Variants in POT1 observed in about 807,000 individuals in gnomAD.
POT1 encodes the protein protection of telomeres protein 1.
In POT1, 47 loss-of-function variants were observed where a neutral mutation model predicts 78.5. The observed-to-expected ratio is 0.60, with a 90% CI of 0.47 to 0.76. The LOEUF (loss-of-function observed/expected upper bound fraction) is 0.76. POT1 is among the 30% of genes least tolerant of loss of function. The pLI, the probability that POT1 is intolerant of heterozygous loss-of-function variation, is 0.00. For missense variants in POT1, 646 were observed against 749.9 expected (o/e 0.86, Z 1.62); for synonymous variants, 259 against 260.7 (o/e 0.99, Z 0.06).
At chr7:124,896,634 G>C (rs1796497993) in intron 5 of POT1, among the ~76,000 whole-genome samples, 1 of 151,626 alleles carries the variant, frequency 6.6e-6, no homozygotes, top group Non-Finnish European at 1.5e-5. Flanking sequence ...GCTACAAGTA[G>C]ACTATCTGTA....
At chr7:124,888,204 C>T (rs995802385) in intron 6 of POT1, among the ~76,000 whole-genome samples, 10 of 152,154 alleles carry the variant, frequency 6.6e-5, no homozygotes, top group African/African-American at 2.4e-4. Context: ...TTCCCAGCCC[C>T]ATTTGGTGAA....
chr7:124,846,162 G>GACACAGACACAC (rs1645237033), intron 12 of POT1, among the ~76,000 whole-genome samples: 1 of 148,718 alleles, frequency 6.7e-6, no homozygotes, highest in South Asian at 2.2e-4. Flanking sequence ...CATTCATACT[G>GACACAGACACAC]ACACACACAC....
intron 14 of POT1, among the ~76,000 whole-genome samples, chr7:124,836,269 A>G (rs1794898378): frequency 6.6e-6 from 1 of 152,144 alleles, no homozygotes; most frequent in Non-Finnish European, 1.5e-5. Context: ...CTCCAGAAAA[A>G]GGGCTGAATT....
rs946500377 is a variant in POT1 at position 124,847,130 on chromosome 7, G to C, written c.950-132C>G. On this transcript the variant is annotated intron_variant, in intron 11 of 18. Transcript: ENST00000357628. ...TGAGATATGCCACATTCATGATTTAGAAGGCTCAATATTGTTAAGATATCA... is the reference window on the plus strand; with the variant it reads ...TGAGATATGCCACATTCATGATTTACAAGGCTCAATATTGTTAAGATATCA... The C allele has an allele frequency of 4.8e-6, 3 of 620,790 alleles. No homozygotes were observed. In the African/African-American group the frequency reaches 5.5e-5, roughly 11 times the overall value. 38.5% of individuals were successfully genotyped at this position (620,790 alleles called of 1,614,324 possible).
chr7:124,823,922 G>T lies in POT1; in HGVS notation c.*40C>A. On this transcript the variant is annotated 3_prime_UTR_variant, in exon 19 of 19. Coordinates refer to ENST00000357628, the MANE Select transcript of POT1 (RefSeq NM_015450.3). ...GAAAAGAAGCTCAAACAGGGAAGGT[G>T]AGTGGCAACATTTTATGTATGCTAA... 1 of 1,296,456 alleles carries T rather than the reference G, an allele frequency of 7.7e-7. No individual in the cohort carries two copies. Among genetic ancestry groups the T allele is most frequent in the Non-Finnish European group, 1.1e-6 (1 of 899,510 alleles). The allele number at this position is 1,296,456 out of a possible 1,614,324, so 80.3% of individuals were successfully genotyped here. A position where few individuals can be genotyped will look rare whatever the true frequency, so the allele number is the denominator to read the frequency against.
intron 2 of POT1, among the ~76,000 whole-genome samples, chr7:124,918,772 T>C (rs1797077740): frequency 6.6e-6 from 1 of 152,114 alleles, no homozygotes; most frequent in Admixed American, 6.6e-5. Context: ...CGTATTTACA[T>C]TAAGGAAATG....
intron 9 of POT1, among the ~76,000 whole-genome samples, chr7:124,855,002 A>G (rs1183324707): frequency 4.0e-5 from 6 of 151,696 alleles, no homozygotes; most frequent in Admixed American, 2.6e-4. Flanking sequence ...ATTTCCTCCA[A>G]ATTAAACTTT....
At chr7:124,843,653 T>C (rs11980925) in intron 12 of POT1, among the ~76,000 whole-genome samples, 1 of 151,942 alleles carries the variant, frequency 6.6e-6, no homozygotes, top group African/African-American at 2.4e-5. Context: ...TGGCCTGGGA[T>C]TGTAGTGATC....
At chr7:124,850,686 G>T in intron 11 of POT1, among the ~76,000 whole-genome samples, 1 of 151,624 alleles carries the variant, frequency 6.6e-6, no homozygotes, top group Non-Finnish European at 1.5e-5. Flanking sequence ...AGCAGAGATC[G>T]CGCTAGCCAC....
chr7:124,907,778 TCTAA>T (rs1393717043), intron 3 of POT1, among the ~76,000 whole-genome samples: 2 of 152,086 alleles, frequency 1.3e-5, no homozygotes, highest in East Asian at 1.9e-4. Context: ...GGGAAATCTC[TCTAA>T]CTTTCTCTCA....
intron 6 of POT1, among the ~76,000 whole-genome samples, chr7:124,885,293 CA>C (rs11372618): frequency 0.015 from 926 of 63,216 alleles, 3 homozygotes; most frequent in African/African-American, 0.052. Flanking sequence ...TCCATCTCTC[CA>C]AAAAAAAAAA....
intron 5 of POT1, among the ~76,000 whole-genome samples, chr7:124,895,458 G>T (rs566902249): frequency 6.6e-6 from 1 of 151,394 alleles, no homozygotes; most frequent in Non-Finnish European, 1.5e-5. Flanking sequence ...GTTAACTAGC[G>T]GACAAAAATC....
chr7:124,877,456 G>C (rs1796015166), intron 6 of POT1, among the ~76,000 whole-genome samples: 1 of 152,034 alleles, frequency 6.6e-6, no homozygotes, highest in South Asian at 2.1e-4. Flanking sequence ...CTCCCAGATA[G>C]ATAGATAGAG....
At chr7:124,908,861 C>A (rs965854618) in intron 3 of POT1, among the ~76,000 whole-genome samples, 2 of 151,862 alleles carry the variant, frequency 1.3e-5, no homozygotes, top group Admixed American at 6.6e-5. Flanking sequence ...ATAAACTGTA[C>A]AACTGCTACA....
rs114184028 is a variant in POT1, at chr7:124,926,472, C to T, written c.-227+2343G>A. Among the ~76,000 whole-genome samples the T allele has an allele frequency of 4.9e-3, 745 of 152,234 alleles. 9 individuals are homozygous for T. Among genetic ancestry groups the T allele is most frequent in the African/African-American group, 0.016 (683 of 41,554 alleles). On this transcript the variant is annotated intron_variant, in intron 2 of 18. Coordinates refer to ENST00000357628, the MANE Select transcript of POT1 (RefSeq NM_015450.3). ...GTGCAAAGAAAAAGGAATTGTTATA[C>T]ACTGTCGGTGAGAATGTACATTAGT...
At chr7:124,844,607 C>T (rs1367785004) in intron 12 of POT1, among the ~76,000 whole-genome samples, 4 of 150,614 alleles carry the variant, frequency 2.7e-5, no homozygotes, top group African/African-American at 9.7e-5. Flanking sequence ...TGGTGGCGGG[C>T]ACCTGTAGTC....
chr7:124,927,154 A>AT (rs910825766), intron 2 of POT1, among the ~76,000 whole-genome samples: 42 of 152,166 alleles, frequency 2.8e-4, no homozygotes, highest in African/African-American at 1.0e-3. Context: ...TTCTGCTTTC[A>AT]TTTTTTCACC....
intron 15 of POT1, among the ~76,000 whole-genome samples, chr7:124,834,091 T>C (rs904366260): frequency 4.6e-5 from 7 of 152,048 alleles, no homozygotes; most frequent in Non-Finnish European, 1.0e-4. Context: ...TTACACCTTA[T>C]ACAAAAATCA....
At chr7:124,880,643 A>C (rs1796096003) in intron 6 of POT1, among the ~76,000 whole-genome samples, 1 of 152,050 alleles carries the variant, frequency 6.6e-6, no homozygotes, top group African/African-American at 2.4e-5. Flanking sequence ...TCAACTTTCC[A>C]AAAGATGACC....
Sources: gnomAD v4.1 joint callset for allele counts (sites outside exome capture counted in the v4.1 genomes callset) on GRCh38, gnomAD v4.1.1 for gene constraint, MANE v1.5 for transcripts, NCBI Gene and HGNC (gene_info 2026-07-23, HGNC 2026-07-21) for gene names.